CYP19A1: variants seen among roughly 807,000 people sequenced by gnomAD.
CYP19A1 encodes the protein aromatase.
In CYP19A1, 32 loss-of-function variants were observed where a neutral mutation model predicts 44.4. The ratio of observed to expected loss-of-function variants is 0.72; its 90% CI spans 0.54 to 0.97. CYP19A1 has a LOEUF of 0.97. Ranked by LOEUF, CYP19A1 falls within the 50% of genes least tolerant of loss-of-function variation. The pLI is 0.00. For missense variants in CYP19A1, 598 were observed against 637.8 expected, an observed-to-expected ratio of 0.94 and a Z score of 0.67; for synonymous variants, 212 against 215.6, an observed-to-expected ratio of 0.98 and a Z score of 0.14.
chr15:51,282,642 A>G (rs967307290), intron 1 of CYP19A1, among the ~76,000 whole-genome samples: 3 of 152,216 alleles, frequency 2.0e-5, no homozygotes, highest in African/African-American at 7.2e-5. Context: ...TGACTCTGCC[A>G]GACTTCGTTG....
rs760392276 is a variant in CYP19A1, at chr15:51,210,342, A to C, written c.*466T>G. ...TTCCACCTCCACAGAAAACAAAATT[A>C]AAGTACTTTAATTCACACTAGCAGG... On this transcript the variant is annotated 3_prime_UTR_variant, in exon 10 of 10. Coordinates refer to ENST00000396402, the MANE Select transcript of CYP19A1 (RefSeq NM_000103.4). 2.1e-5 allele frequency: 10 copies of C among 479,622 alleles called. No homozygotes were observed. Among genetic ancestry groups the C allele is most frequent in the Non-Finnish European group, 3.7e-5 (9 of 240,872 alleles). 29.7% of individuals were successfully genotyped at this position (479,622 alleles called of 1,614,324 possible). A position where few individuals can be genotyped will look rare whatever the true frequency, so the allele number is the denominator to read the frequency against.
chr15:51,241,631 G>T (rs1047359871), intron 2 of CYP19A1, among the ~76,000 whole-genome samples: 2 of 152,154 alleles, frequency 1.3e-5, no homozygotes, highest in African/African-American at 4.8e-5. Flanking sequence ...GTGAGGAAGG[G>T]CCACACTGGG....
At chr15:51,234,790 AC>A (rs1295973748) in intron 3 of CYP19A1, among the ~76,000 whole-genome samples, 3 of 151,912 alleles carry the variant, frequency 2.0e-5, no homozygotes, top group Non-Finnish European at 2.9e-5. Context: ...CCTGAGTCCT[AC>A]CCCCAGAGGT....
At chr15:51,276,615 A>G (rs2035318335) in intron 1 of CYP19A1, among the ~76,000 whole-genome samples, 1 of 152,252 alleles carries the variant, frequency 6.6e-6, no homozygotes, top group South Asian at 2.1e-4. Context: ...CACTGCAAGT[A>G]CATACAATTT....
chr15:51,218,680 C>A, intron 5 of CYP19A1, 25 bp from the exon 6 acceptor site: 1 of 1,599,374 alleles, frequency 6.3e-7, no homozygotes, highest in South Asian at 1.1e-5. Flanking sequence ...AACACACATA[C>A]ACAAGAAAGA....
At chr15:51,264,595 G>A (rs1452873684) in intron 1 of CYP19A1, among the ~76,000 whole-genome samples, 7 of 152,040 alleles carry the variant, frequency 4.6e-5, no homozygotes, top group African/African-American at 1.2e-4. Context: ...GAAAACGCAG[G>A]GCAGAAGGAA....
intron 1 of CYP19A1, among the ~76,000 whole-genome samples, chr15:51,256,668 C>G (rs375500104): frequency 2.0e-5 from 3 of 152,138 alleles, no homozygotes; most frequent in African/African-American, 4.8e-5. Flanking sequence ...ATTCTATAAC[C>G]GGGTAATGGA....
chr15:51,272,339 C>T (rs1323388909), intron 1 of CYP19A1, among the ~76,000 whole-genome samples: 1 of 152,320 alleles, frequency 6.6e-6, no homozygotes, highest in African/African-American at 2.4e-5. Context: ...AGGCTATGAG[C>T]TTCTTCAAGA....
At chr15:51,274,072 AAAG>A (rs2035221096) in intron 1 of CYP19A1, among the ~76,000 whole-genome samples, 1 of 152,128 alleles carries the variant, frequency 6.6e-6, no homozygotes, top group Non-Finnish European at 1.5e-5. Context: ...TTGCCAGATA[AAAG>A]GAGACTTCCT....
intron 1 of CYP19A1, chr15:51,279,169 G>A (rs1324225733): frequency 2.0e-5 from 3 of 152,166 alleles, no homozygotes; most frequent in Non-Finnish European, 2.9e-5. Flanking sequence ...CCAAAGACTT[G>A]GATTAAAAGC....
chr15:51,287,712 A>C (rs1384223414), intron 1 of CYP19A1, among the ~76,000 whole-genome samples: 2 of 152,090 alleles, frequency 1.3e-5, no homozygotes, highest in Non-Finnish European at 2.9e-5. Context: ...TAATTATTCA[A>C]CTGAGTCCTG....
At chr15:51,264,637 T>C (rs2034851399) in intron 1 of CYP19A1, among the ~76,000 whole-genome samples, 1 of 151,984 alleles carries the variant, frequency 6.6e-6, no homozygotes, top group Admixed American at 6.6e-5. Flanking sequence ...AGCCCCAATA[T>C]AGTGAAGAGA....
chr15:51,299,916 G>A (rs1290562810), intron 1 of CYP19A1, among the ~76,000 whole-genome samples: 1 of 152,252 alleles, frequency 6.6e-6, no homozygotes, highest in African/African-American at 2.4e-5. Flanking sequence ...CGACATTTGA[G>A]CTGAGCCAAG....
intron 5 of CYP19A1, chr15:51,222,048 T>G (rs1184411794): frequency 3.6e-6 from 2 of 552,082 alleles, no homozygotes; most frequent in Non-Finnish European, 6.4e-6. Flanking sequence ...TGGTAGGATA[T>G]GTTAATAACC....
intron 1 of CYP19A1, among the ~76,000 whole-genome samples, chr15:51,253,013 G>A (rs979214370): frequency 6.6e-6 from 1 of 152,164 alleles, no homozygotes; most frequent in Non-Finnish European, 1.5e-5. Flanking sequence ...TGCAGGTAGA[G>A]AGAATGAGAA....
At chr15:51,287,503 G>A (rs1431866864) in intron 1 of CYP19A1, among the ~76,000 whole-genome samples, 2 of 152,140 alleles carry the variant, frequency 1.3e-5, no homozygotes, top group Admixed American at 6.5e-5. Context: ...TGTGGGCCTC[G>A]TCAGCACTCC....
chr15:51,326,480 G>A (rs1338298672), intron 1 of CYP19A1, among the ~76,000 whole-genome samples: 1 of 152,170 alleles, frequency 6.6e-6, no homozygotes, highest in Admixed American at 6.5e-5. Flanking sequence ...TTGAGAATGT[G>A]GCTCAACTTT....
chr15:51,244,665 A>G (rs1195961717), intron 1 of CYP19A1, among the ~76,000 whole-genome samples: 1 of 152,150 alleles, frequency 6.6e-6, no homozygotes, highest in Non-Finnish European at 1.5e-5. Flanking sequence ...TATTGATGAA[A>G]CCTGAAACCA....
intron 4 of CYP19A1, among the ~76,000 whole-genome samples, chr15:51,225,146 C>A (rs1355704228): frequency 1.3e-5 from 2 of 152,142 alleles, no homozygotes; most frequent in African/African-American, 4.8e-5. Flanking sequence ...CTTCCTAATT[C>A]AAACCTCTCT....
Sources: gnomAD v4.1 joint callset for allele counts (sites outside exome capture counted in the v4.1 genomes callset) on GRCh38, gnomAD v4.1.1 for gene constraint, MANE v1.5 for transcripts, NCBI Gene and HGNC (gene_info 2026-07-23, HGNC 2026-07-21) for gene names.